ADCY2: variants seen among roughly 807,000 people sequenced by gnomAD.
ADCY2 encodes adenylate cyclase type 2.
Under a neutral mutation model 125.2 loss-of-function variants are expected in ADCY2, and 31 were observed. The observed-to-expected ratio is 0.25, with a 90% CI of 0.19 to 0.33. The LOEUF (loss-of-function observed/expected upper bound fraction) is 0.33, where lower values mean the gene tolerates loss of function less well. Among genes scored for constraint, ADCY2 ranks in the 10% least tolerant of loss-of-function variants. ADCY2 has a pLI of 1.00. For missense variants in ADCY2, 904 were observed against 1,418.2 expected (o/e 0.64, Z 5.82); for synonymous variants, 512 against 548.4 (o/e 0.93, Z 0.93).
At chr5:7,616,197 T>C (rs1334665941) in intron 3 of ADCY2, among the ~76,000 whole-genome samples, 2 of 152,220 alleles carry the variant, frequency 1.3e-5, no homozygotes, top group African/African-American at 4.8e-5. Flanking sequence ...CAATTAGTTT[T>C]ATAATAATGT....
rs541752975 is a variant in ADCY2, at chr5:7,578,732, A to G, written c.571-47435A>G. Among the ~76,000 whole-genome samples the G allele has an allele frequency of 4.6e-5, 7 of 152,252 alleles. No homozygotes were observed. In the South Asian group the frequency reaches 1.2e-3, roughly 27 times the overall value. On this transcript the variant is annotated intron_variant, in intron 3 of 24. Transcript: ENST00000338316. ...TCTAGTTTTCATATTTGAACAGTCA[A>G]TGTGTCAACCCACGGTGCCTGACAT... is the stretch of plus-strand genomic sequence containing the variant.
At chr5:7,752,894 C>CTTTTTTTT (rs11319936) in intron 15 of ADCY2, among the ~76,000 whole-genome samples, 1 of 94,386 alleles carries the variant, frequency 1.1e-5, no homozygotes, top group African/African-American at 4.0e-5. Flanking sequence ...TAGGATTTTC[C>CTTTTTTTT]TTTTTTTTTT....
chr5:7,684,181 G>A (rs189592561), intron 4 of ADCY2, among the ~76,000 whole-genome samples: 14 of 152,132 alleles, frequency 9.2e-5, no homozygotes, highest in Admixed American at 1.3e-4. Context: ...TGAGTGTGGC[G>A]GTCATGTTTG....
chr5:7,427,944 A>G (rs1174047374), intron 2 of ADCY2, among the ~76,000 whole-genome samples: 1 of 152,122 alleles, frequency 6.6e-6, no homozygotes, highest in Non-Finnish European at 1.5e-5. Flanking sequence ...GCTAAATGCA[A>G]TTGTGGAGCC....
intron 3 of ADCY2, among the ~76,000 whole-genome samples, chr5:7,547,751 C>T (rs938334761): frequency 6.6e-6 from 1 of 152,190 alleles, no homozygotes; most frequent in Admixed American, 6.5e-5. Context: ...TGTCTACTTT[C>T]AGTCACTTCT....
chr5:7,679,279 G>A (rs757209859), intron 4 of ADCY2, among the ~76,000 whole-genome samples: 18 of 152,192 alleles, frequency 1.2e-4, no homozygotes, highest in South Asian at 2.1e-4. Context: ...CCGGGGGAGC[G>A]TGCTCCAGTG....
intron 3 of ADCY2, among the ~76,000 whole-genome samples, chr5:7,590,415 CT>C (rs780055859): frequency 3.7e-4 from 57 of 152,130 alleles, no homozygotes; most frequent in Non-Finnish European, 4.6e-4. Context: ...GTTGGCTATT[CT>C]TTTTAAAATT....
At chr5:7,681,626 G>T (rs951387079) in intron 4 of ADCY2, among the ~76,000 whole-genome samples, 2 of 152,116 alleles carry the variant, frequency 1.3e-5, no homozygotes, top group Non-Finnish European at 2.9e-5. Flanking sequence ...CTACAATTTT[G>T]CTCTGGGCAC....
chr5:7,521,685 C>G (rs1479755948), intron 3 of ADCY2, among the ~76,000 whole-genome samples: 1 of 152,182 alleles, frequency 6.6e-6, no homozygotes, highest in Non-Finnish European at 1.5e-5. Context: ...GTCACCTAAG[C>G]CCTGCTGGGT....
intron 24 of ADCY2, among the ~76,000 whole-genome samples, chr5:7,826,137 A>G (rs1311059049): frequency 6.6e-6 from 1 of 152,094 alleles, no homozygotes; most frequent in Non-Finnish European, 1.5e-5. Flanking sequence ...TTTCAGTTTT[A>G]GGTTACTTCA....
chr5:7,398,431 A>G (rs1739142403), intron 1 of ADCY2, among the ~76,000 whole-genome samples: 1 of 152,090 alleles, frequency 6.6e-6, no homozygotes, highest in African/African-American at 2.4e-5. Flanking sequence ...TGCTTGGTGC[A>G]TATGTGTTAG....
chr5:7,597,531 T>C (rs999080368), intron 3 of ADCY2, among the ~76,000 whole-genome samples: 4 of 152,172 alleles, frequency 2.6e-5, no homozygotes, highest in South Asian at 4.1e-4. Flanking sequence ...TCCCAGAACT[T>C]TGGGAGGCCA....
chr5:7,444,900 T>A (rs1355770052), intron 2 of ADCY2, among the ~76,000 whole-genome samples: 2 of 152,182 alleles, frequency 1.3e-5, no homozygotes, highest in South Asian at 2.1e-4. Context: ...GACATTTGAA[T>A]TTTTTCTCCT....
chr5:7,829,184 G>C lies in ADCY2; in HGVS notation c.*2313G>C, dbSNP rs1483190322. ...GCAAATTCTCAGGCCCCAACCTGAAGGAGGACCCTGAATTTGAGATCCCCG... is the reference window on the plus strand; with the variant it reads ...GCAAATTCTCAGGCCCCAACCTGAACGAGGACCCTGAATTTGAGATCCCCG... On this transcript the variant is annotated 3_prime_UTR_variant, in exon 25 of 25. Transcript: ENST00000338316. 6.6e-6 allele frequency: 1 copy of C among 152,560 alleles called. No homozygotes were observed. Among genetic ancestry groups the C allele is most frequent in the Non-Finnish European group, 1.5e-5 (1 of 68,056 alleles). The allele number at this position is 152,560 out of a possible 1,614,324, so 9.5% of individuals were successfully genotyped here.
At chr5:7,671,657 C>T (rs567496951) in intron 4 of ADCY2, among the ~76,000 whole-genome samples, 134 of 152,266 alleles carry the variant, frequency 8.8e-4, no homozygotes, top group Admixed American at 5.4e-3. Context: ...TAAATTAAGT[C>T]TTTCTCACAC....
rs79889228 is a variant in ADCY2 at position 7,600,271 on chromosome 5, G to A, written c.571-25896G>A. ...ATCAATGGGAGAGAGGGAAGGGATG[G>A]AGCTGTAGTGAGGCTCCAGAGGAAG... On this transcript the variant is annotated intron_variant, in intron 3 of 24. Transcript: ENST00000338316. 7.4e-3 allele frequency among the ~76,000 whole-genome samples: 1,120 copies of A among 152,314 alleles called. 12 individuals are homozygous for A. The highest frequency in any genetic ancestry group is 0.025 in the African/African-American group (1,053 of 41,584).
chr5:7,493,929 C>G (rs1216865152), intron 2 of ADCY2, among the ~76,000 whole-genome samples: 3 of 152,028 alleles, frequency 2.0e-5, no homozygotes, highest in Admixed American at 6.6e-5. Context: ...AACCCAGCAG[C>G]CAGCCCTATA....
At chr5:7,575,949 GT>G (rs778361374) in intron 3 of ADCY2, among the ~76,000 whole-genome samples, 15 of 152,164 alleles carry the variant, frequency 9.9e-5, no homozygotes, top group African/African-American at 3.4e-4. Flanking sequence ...GCGTGTGTGT[GT>G]ATGTCTGTGT....
At chr5:7,808,673 G>A (rs1744839383) in intron 22 of ADCY2, among the ~76,000 whole-genome samples, 1 of 152,154 alleles carries the variant, frequency 6.6e-6, no homozygotes, top group Non-Finnish European at 1.5e-5. Flanking sequence ...CCTCTCTGGT[G>A]CTGCTTCCTG....
Sources: gnomAD v4.1 joint callset for allele counts (sites outside exome capture counted in the v4.1 genomes callset) on GRCh38, gnomAD v4.1.1 for gene constraint, MANE v1.5 for transcripts, NCBI Gene and HGNC (gene_info 2026-07-23, HGNC 2026-07-21) for gene names.